The following XRN1 variants were observed in gnomAD, a reference collection of about 807,000 sequenced individuals.
XRN1 encodes strand-exchange protein 1 homolog.
A neutral mutation model predicts 222.3 loss-of-function variants in XRN1; 67 were observed. That is an observed-to-expected ratio of 0.30 (90% confidence interval 0.25 to 0.37). The LOEUF (loss-of-function observed/expected upper bound fraction) is 0.37. Among genes scored for constraint, XRN1 ranks in the 10% least tolerant of loss-of-function variants. The pLI, the probability that XRN1 is intolerant of heterozygous loss-of-function variation, is 1.00. For synonymous variants in XRN1, 643 were observed against 652.4 expected (o/e 0.99, Z 0.22); for missense variants, 1,707 against 2,000.2 (o/e 0.85, Z 2.80).
chr3:142,423,046 C>A, intron 6 of XRN1, 124 bp from the exon 7 acceptor site: 2 of 709,830 alleles, frequency 2.8e-6, no homozygotes, highest in South Asian at 3.9e-5. Context: ...TTAAGGCATA[C>A]AATTTATATG....
chr3:142,343,595 A>G (rs374150061), intron 33 of XRN1, among the ~76,000 whole-genome samples: 7 of 152,208 alleles, frequency 4.6e-5, no homozygotes, highest in African/African-American at 1.7e-4. Context: ...AACGCTGGTG[A>G]GGATGTGGAG....
At position 142,359,089 on chromosome 3, in the gene XRN1, G is replaced by T. The variant is rs190794468; in HGVS notation, c.3464+773C>A. Among the ~76,000 whole-genome samples, 153 of 152,264 alleles carry T rather than the reference G, an allele frequency of 1.0e-3. 1 individual carries two copies. The highest frequency in any genetic ancestry group is 3.5e-3 in the African/African-American group (144 of 41,564). ...ACCCAAGGAAATACAACGTTTAACT[G>T]CAAGTTTACACCATGGTGCCTCTCA... On this transcript the variant is annotated intron_variant, in intron 30 of 40. Transcript: ENST00000392981.
chr3:142,416,436 G>C (rs774603087), intron 13 of XRN1, among the ~76,000 whole-genome samples: 9 of 152,074 alleles, frequency 5.9e-5, no homozygotes, highest in Non-Finnish European at 1.2e-4. Context: ...TGCCCACCTT[G>C]GCCTCCCAAA....
intron 33 of XRN1, among the ~76,000 whole-genome samples, chr3:142,340,224 A>G (rs537458704): frequency 1.2e-4 from 19 of 152,008 alleles, no homozygotes; most frequent in African/African-American, 3.4e-4. Flanking sequence ...GCTTGGTGGC[A>G]TATGCCTGTA....
intron 2 of XRN1, among the ~76,000 whole-genome samples, chr3:142,431,608 G>A (rs748328996): frequency 4.0e-4 from 61 of 151,328 alleles, no homozygotes; most frequent in Non-Finnish European, 7.1e-4. Flanking sequence ...CCTGAGGTGA[G>A]GAGTTTGAGA....
intron 27 of XRN1, 116 bp from the exon 28 acceptor site, chr3:142,365,482 T>C (rs2066786642): frequency 2.9e-6 from 2 of 681,838 alleles, no homozygotes; most frequent in Non-Finnish European, 4.3e-6. Flanking sequence ...GATTAATTTT[T>C]AAAATATTTA....
At chr3:142,410,748 C>G (rs1368428657) in intron 15 of XRN1, among the ~76,000 whole-genome samples, 1 of 152,112 alleles carries the variant, frequency 6.6e-6, no homozygotes, top group East Asian at 1.9e-4. Flanking sequence ...CCCACCTCAG[C>G]CTCCCAAAGT....
In XRN1 at chr3:142,324,309, C is replaced by T. The variant is rs543491289; in HGVS notation, c.4404+5125G>A. On this transcript the variant is annotated intron_variant, in intron 37 of 40. Transcript: ENST00000392981. ...CCCTTCCTGTGTCCATGTGTTCTCA[C>T]TGTTCAATTCCCACCTATGAGTGAG... 2.1e-4 allele frequency among the ~76,000 whole-genome samples: 30 copies of T among 144,478 alleles called. 1 individual carries two copies. In the South Asian group the frequency reaches 3.4e-3, roughly 16 times the overall value. 94.8% of individuals were successfully genotyped at this position (144,478 alleles called of 152,430 possible). A position where few individuals can be genotyped will look rare whatever the true frequency, so the allele number is the denominator to read the frequency against.
intron 36 of XRN1, among the ~76,000 whole-genome samples, chr3:142,330,334 C>CT (rs1327091903): frequency 5.3e-5 from 8 of 152,042 alleles, no homozygotes; most frequent in African/African-American, 1.9e-4. Flanking sequence ...AATAATATTT[C>CT]TTAAAAGTTT....
In XRN1 at chr3:142,383,384, G is replaced by A; in HGVS notation, c.2532C>T (p.Ser844=). The part of the protein sequence containing the change: ...KDIRAFDSRF[S]NIKTLDDLFP... ...ACAAATCATCCAATGTTTTGATATTGGAGAAACGGGAGTCGAAAGCTCGGA... is the reference window on the plus strand; with the variant it reads ...ACAAATCATCCAATGTTTTGATATTAGAGAAACGGGAGTCGAAAGCTCGGA... The change falls in exon 22 of 41, where the codon TCC becomes TCT. Residue 844 remains serine, a synonymous_variant. Transcript: ENST00000392981. 1 of 1,613,644 alleles carries A rather than the reference G, an allele frequency of 6.2e-7. No individual in the cohort carries two copies. Among genetic ancestry groups the A allele is most frequent in the Non-Finnish European group, 8.5e-7 (1 of 1,179,842 alleles).
intron 30 of XRN1, 115 bp downstream of exon 30, chr3:142,359,747 C>G (rs1007527119): frequency 1.5e-6 from 1 of 677,516 alleles, no homozygotes; most frequent in Non-Finnish European, 2.4e-6. Flanking sequence ...TCCCTAGTAG[C>G]AAGTACGTCT....
intron 33 of XRN1, among the ~76,000 whole-genome samples, chr3:142,343,159 C>A (rs1011119699): frequency 2.0e-5 from 3 of 152,010 alleles, no homozygotes; most frequent in African/African-American, 7.2e-5. Context: ...AAATGGCAAA[C>A]AGGTATATGA....
At position 142,447,728 on chromosome 3, in the gene XRN1, C is replaced by T; in HGVS notation, c.75+142G>A. 9.8e-7 allele frequency: 1 copy of T among 1,021,006 alleles called. No individual in the cohort carries two copies. Among genetic ancestry groups the T allele is most frequent in the Non-Finnish European group, 1.4e-6 (1 of 696,762 alleles). 63.2% of individuals were successfully genotyped at this position (1,021,006 alleles called of 1,614,324 possible). On this transcript the variant is annotated intron_variant, in intron 1 of 40. Transcript: ENST00000392981. This position sits in a 1 kb window ranked among gnomAD's most constrained non-coding sequence, Gnocchi z 4.2. The stretch of plus-strand genomic sequence containing the variant: ...TTCGGCTCATCCGGGCGTCCTCAAA[C>T]CTTCCGTCCCCCTCCCTAATGCCAC...
In XRN1 at chr3:142,357,074, C is replaced by T. The variant is rs1440554617; in HGVS notation, c.3510G>A (p.Val1170=). The T allele has an allele frequency of 6.2e-7, 1 of 1,613,722 alleles. No homozygotes were observed. Among genetic ancestry groups the T allele is most frequent in the Non-Finnish European group, 8.5e-7 (1 of 1,179,870 alleles). ...RGYRLPTSAL[V]NLSHGSRSET... ...CAGAGCGACTCCCATGAGAAAGGTTCACCAAGGCACTTGTTGGCAGTCGAT... is the reference window on the plus strand; with the variant it reads ...CAGAGCGACTCCCATGAGAAAGGTTTACCAAGGCACTTGTTGGCAGTCGAT... Residue 1170 remains valine (V), a synonymous_variant, in exon 31 of 41, where the codon GTG becomes GTA. Coordinates refer to ENST00000392981, the MANE Select transcript of XRN1 (RefSeq NM_001282857.2).
intron 18 of XRN1, among the ~76,000 whole-genome samples, chr3:142,401,714 A>T (rs914451644): frequency 6.6e-6 from 1 of 152,124 alleles, no homozygotes; most frequent in African/African-American, 2.4e-5. Context: ...ACTCTGTCAA[A>T]CAAACAAACA....
At chr3:142,351,428 G>A (rs141821442) in intron 32 of XRN1, among the ~76,000 whole-genome samples, 1 of 152,190 alleles carries the variant, frequency 6.6e-6, no homozygotes, top group African/African-American at 2.4e-5. Flanking sequence ...TTGATCACAC[G>A]GTTTTTGCAC....
intron 32 of XRN1, among the ~76,000 whole-genome samples, chr3:142,349,174 G>A (rs576763886): frequency 3.9e-5 from 6 of 152,008 alleles, no homozygotes; most frequent in Non-Finnish European, 7.4e-5. Flanking sequence ...GGTTGGTCTC[G>A]AACTCCTGGG....
chr3:142,444,291 G>T (rs545367036), intron 1 of XRN1, among the ~76,000 whole-genome samples: 5 of 152,062 alleles, frequency 3.3e-5, no homozygotes, highest in Non-Finnish European at 7.4e-5. Flanking sequence ...TTTTTAAAAA[G>T]ATTTAAATTA....
Position 142,403,883 on chromosome 3 carries a change from G to A in XRN1, c.1990C>T (p.His664Tyr), listed in dbSNP as rs201889594. 152 of 1,613,018 alleles carry A rather than the reference G, an allele frequency of 9.4e-5. No homozygotes were observed. Among genetic ancestry groups the A allele is most frequent in the Admixed American group, 3.2e-4 (19 of 59,974 alleles). Residue 664 changes from histidine to tyrosine, a missense_variant, in exon 17 of 41, where the codon CAC becomes TAC. His to Tyr is a moderately conservative substitution (Grantham distance 83). Coordinates refer to ENST00000392981, the MANE Select transcript of XRN1 (RefSeq NM_001282857.2). Reference protein sequence around the residue: ...LYFCGFPTLKHIRHKFFLKKS... With the variant: ...LYFCGFPTLKYIRHKFFLKKS... ...TAGCCACTGACTTTGTGTCTGATGT[G>A]TTTCAGAGTAGGAAATCCACAGAAA...
Sources: allele counts gnomAD v4.1 joint callset (sites outside exome capture counted in the v4.1 genomes callset), GRCh38; gene constraint gnomAD v4.1.1; non-coding constraint Gnocchi (gnomAD v3.1); transcripts MANE v1.5; gene names NCBI Gene and HGNC (gene_info 2026-07-23, HGNC 2026-07-21).